SPOCK1: variants seen among roughly 807,000 people sequenced by gnomAD.
SPOCK1 encodes the protein SPARC (osteonectin), cwcv and kazal like domains proteoglycan 1.
Under a neutral mutation model 55.3 loss-of-function variants are expected in SPOCK1, and 23 were observed. The ratio of observed to expected loss-of-function variants is 0.42; its 90% confidence interval spans 0.30 to 0.59. The LOEUF (loss-of-function observed/expected upper bound fraction) is 0.59, where lower values mean the gene tolerates loss of function less well. Ranked by LOEUF, SPOCK1 falls within the 20% of genes least tolerant of loss-of-function variation. SPOCK1 has a pLI of 0.22. For missense variants in SPOCK1, 499 were observed against 552.5 expected (o/e 0.90, Z 0.97); for synonymous variants, 226 against 221.0 (o/e 1.02, Z -0.20).
At chr5:137,006,611 G>T (rs538848680) in intron 6 of SPOCK1, among the ~76,000 whole-genome samples, 1 of 152,138 alleles carries the variant, frequency 6.6e-6, no homozygotes, top group African/African-American at 2.4e-5. Flanking sequence ...AGATGATGGG[G>T]TTTTCTAAAT....
chr5:137,058,795 G>A (rs1235683605), intron 6 of SPOCK1, among the ~76,000 whole-genome samples: 1 of 152,116 alleles, frequency 6.6e-6, no homozygotes, highest in East Asian at 1.9e-4. Flanking sequence ...GAGGGTCCTG[G>A]CCTAGGAGAT....
intron 5 of SPOCK1, among the ~76,000 whole-genome samples, chr5:137,098,168 G>A (rs1345970622): frequency 2.6e-5 from 4 of 151,302 alleles, no homozygotes; most frequent in African/African-American, 7.3e-5. Context: ...CCAGACAAGT[G>A]TTATTATGTC....
chr5:137,416,722 C>T (rs375336680), intron 2 of SPOCK1, among the ~76,000 whole-genome samples: 56 of 152,238 alleles, frequency 3.7e-4, no homozygotes, highest in African/African-American at 1.2e-3. Context: ...GCATTTTACA[C>T]TCTCAGCAAC....
At chr5:137,236,995 G>A (rs764207496) in intron 3 of SPOCK1, among the ~76,000 whole-genome samples, 8 of 152,068 alleles carry the variant, frequency 5.3e-5, no homozygotes, top group Admixed American at 3.9e-4. Flanking sequence ...GCCTGTTATC[G>A]AAAACCACTT....
chr5:137,306,135 T>G (rs771723869), intron 2 of SPOCK1, among the ~76,000 whole-genome samples: 1 of 152,060 alleles, frequency 6.6e-6, no homozygotes, highest in Admixed American at 6.6e-5. Context: ...GGGCGAGAAG[T>G]CATGTGACAA....
At chr5:137,456,580 T>C (rs1753373167) in intron 2 of SPOCK1, among the ~76,000 whole-genome samples, 1 of 152,208 alleles carries the variant, frequency 6.6e-6, no homozygotes, top group Non-Finnish European at 1.5e-5. Flanking sequence ...ATTTATTCAG[T>C]CAATGAACAC....
intron 2 of SPOCK1, among the ~76,000 whole-genome samples, chr5:137,482,175 T>C (rs1753964521): frequency 6.6e-6 from 1 of 152,212 alleles, no homozygotes; most frequent in South Asian, 2.1e-4. Context: ...GAACTCTCTC[T>C]GCCAGCCATG....
chr5:137,292,060 G>C (rs1220701572), intron 2 of SPOCK1, among the ~76,000 whole-genome samples: 1 of 152,214 alleles, frequency 6.6e-6, no homozygotes, highest in Non-Finnish European at 1.5e-5. Flanking sequence ...GCAGCCAAGA[G>C]AGAGGAGAAA....
intron 2 of SPOCK1, among the ~76,000 whole-genome samples, chr5:137,456,594 C>T (rs1753373425): frequency 6.6e-6 from 1 of 152,100 alleles, no homozygotes; most frequent in African/African-American, 2.4e-5. Context: ...TGAACACTTA[C>T]TAAACGATAT....
At chr5:137,052,306 T>C (rs2126998301) in intron 6 of SPOCK1, among the ~76,000 whole-genome samples, 1 of 152,364 alleles carries the variant, frequency 6.6e-6, no homozygotes, top group African/African-American at 2.4e-5. Flanking sequence ...GGAGTGTCAG[T>C]CACCTACCGT....
At chr5:137,170,149 G>A in intron 3 of SPOCK1, among the ~76,000 whole-genome samples, 1 of 152,278 alleles carries the variant, frequency 6.6e-6, no homozygotes, top group East Asian at 1.9e-4. Context: ...TAATCCACCT[G>A]TTTGCTTTAA....
intron 3 of SPOCK1, among the ~76,000 whole-genome samples, chr5:137,167,600 A>C (rs1381222355): frequency 6.6e-6 from 1 of 151,976 alleles, no homozygotes; most frequent in Non-Finnish European, 1.5e-5. Flanking sequence ...ATTCAGAAAA[A>C]TTGGAATAGT....
Position 136,988,560 on chromosome 5 carries a change from G to A in SPOCK1, c.790C>T (p.Leu264Phe), listed in dbSNP as rs1750887439. Reference protein sequence around the residue: ...NKLDMNYDLLLDPSEINAIYL... With the variant: ...NKLDMNYDLLFDPSEINAIYL... ...ATGGCATTGATCTCTGAAGGGTCAAGCAGGAGGTCATAGTTCATGTCCAAC... is the reference window on the plus strand; with the variant it reads ...ATGGCATTGATCTCTGAAGGGTCAAACAGGAGGTCATAGTTCATGTCCAAC... The change falls in exon 8 of 11, where the codon CTT becomes TTT. Residue 264 changes from leucine to phenylalanine, a missense_variant. By Grantham distance (22) the Leu-to-Phe change is conservative. Around this residue, in one of 3 missense-constraint regions of SPOCK1, gnomAD observed 386 missense variants for 400.6 expected, o/e 0.96. Coordinates refer to ENST00000394945, the MANE Select transcript of SPOCK1 (RefSeq NM_004598.4). 6.2e-7 allele frequency: 1 copy of A among 1,614,158 alleles called. No individual in the cohort carries two copies.
At chr5:137,478,413 A>G (rs1753880444) in intron 2 of SPOCK1, among the ~76,000 whole-genome samples, 2 of 152,336 alleles carry the variant, frequency 1.3e-5, no homozygotes, top group Admixed American at 1.3e-4. Context: ...CAAAAAGGTG[A>G]GAAATTACTG....
chr5:137,462,125 G>A (rs906862934), intron 2 of SPOCK1, among the ~76,000 whole-genome samples: 1 of 152,214 alleles, frequency 6.6e-6, no homozygotes, highest in African/African-American at 2.4e-5. Flanking sequence ...GGTCCTGATG[G>A]CCCCCTGTGC....
At chr5:137,211,340 A>G (rs1529814) in intron 3 of SPOCK1, among the ~76,000 whole-genome samples, 60,506 of 151,994 alleles carry the variant, frequency 0.4, 13,161 homozygotes, top group Non-Finnish European at 0.48. Flanking sequence ...TCCTACAACT[A>G]CAAAATACAG....
chr5:137,349,207 C>T lies in SPOCK1; in HGVS notation c.187-82152G>A, dbSNP rs75270839. ...ATCAATAGTTTCTCTCAGGAAACCT[C>T]AAGTACAGAGGGATGGGATGGATAT... On this transcript the variant is annotated intron_variant, in intron 2 of 10. Transcript: ENST00000394945. Among the ~76,000 whole-genome samples the T allele has an allele frequency of 2.8e-3, 429 of 152,306 alleles. 6 individuals carry two copies. Among genetic ancestry groups the T allele is most frequent in the African/African-American group, 9.8e-3 (408 of 41,558 alleles).
At chr5:137,268,541 C>T (rs1028975979) in intron 2 of SPOCK1, among the ~76,000 whole-genome samples, 3 of 152,142 alleles carry the variant, frequency 2.0e-5, no homozygotes, top group Admixed American at 1.3e-4. Flanking sequence ...GTCAGAAACT[C>T]GGCAGCCACT....
At chr5:137,113,847 A>AC in intron 4 of SPOCK1, among the ~76,000 whole-genome samples, 1 of 152,196 alleles carries the variant, frequency 6.6e-6, no homozygotes, top group Non-Finnish European at 1.5e-5. Flanking sequence ...TGGAAGCAGA[A>AC]GACGGAAATA....
Sources: allele counts gnomAD v4.1 joint callset (sites outside exome capture counted in the v4.1 genomes callset), GRCh38; gene constraint gnomAD v4.1.1; regional missense constraint gnomAD v4.1.1; transcripts MANE v1.5; gene names NCBI Gene and HGNC (gene_info 2026-07-23, HGNC 2026-07-21).